Variants in EML1 observed in about 807,000 individuals in gnomAD.
EML1 encodes the protein echinoderm microtubule-associated protein-like 1.
Under a neutral mutation model 110.4 loss-of-function variants are expected in EML1, and 27 were observed. The observed-to-expected ratio is 0.24, with a 90% CI of 0.18 to 0.34. EML1 has a LOEUF of 0.34. Among genes scored for constraint, EML1 ranks in the 10% least tolerant of loss-of-function variants. The pLI is 1.00. For missense variants in EML1, 741 were observed against 1,030.9 expected (o/e 0.72, Z 3.85); for synonymous variants, 344 against 385.8 (o/e 0.89, Z 1.27).
chr14:99,834,119 A>G (rs2058502445), intron 1 of EML1, among the ~76,000 whole-genome samples: 1 of 152,048 alleles, frequency 6.6e-6, no homozygotes, highest in South Asian at 2.1e-4. Flanking sequence ...TCAGAAATGG[A>G]TGTTGGATTT....
chr14:99,867,985 A>G (rs898847726), intron 3 of EML1, among the ~76,000 whole-genome samples: 10 of 152,098 alleles, frequency 6.6e-5, no homozygotes, highest in African/African-American at 2.4e-4. Flanking sequence ...ACATTGAGGT[A>G]GTTTCCTTCT....
At chr14:99,760,825 C>T (rs1371356018) in intron 1 of EML1, among the ~76,000 whole-genome samples, 1 of 152,146 alleles carries the variant, frequency 6.6e-6, no homozygotes, top group East Asian at 1.9e-4. Context: ...TGCCCAATAC[C>T]TGCATTCAAC....
chr14:99,765,750 G>A (rs931882064), intron 1 of EML1, among the ~76,000 whole-genome samples: 4 of 151,780 alleles, frequency 2.6e-5, no homozygotes, highest in African/African-American at 7.3e-5. Context: ...GATTACAGGC[G>A]TGCACCACCA....
chr14:99,838,741 T>A (rs1171013269), intron 1 of EML1, among the ~76,000 whole-genome samples: 2 of 152,134 alleles, frequency 1.3e-5, no homozygotes. Context: ...TTTTAAAGCA[T>A]AGTGCTTCAC....
chr14:99,787,268 CTTTTTTTTTTT>C (rs34680462), intron 1 of EML1, among the ~76,000 whole-genome samples: 1 of 101,612 alleles, frequency 9.8e-6, no homozygotes, highest in Non-Finnish European at 1.9e-5. Flanking sequence ...CTCTGAGATT[CTTTTTTTTTTT>C]TTTTTTTTTT....
intron 1 of EML1, among the ~76,000 whole-genome samples, chr14:99,826,217 A>G (rs1427496862): frequency 4.0e-5 from 6 of 149,158 alleles, no homozygotes; most frequent in South Asian, 2.1e-4. Flanking sequence ...GGTTCAAGCA[A>G]TTCTCCTGCC....
In EML1 at chr14:99,873,950, C is replaced by T. The variant is rs148756832; in HGVS notation, c.384-4535C>T. 2.1e-4 allele frequency among the ~76,000 whole-genome samples: 32 copies of T among 152,252 alleles called. No homozygotes were observed. The East Asian group carries it at 5.6e-3, about 27-fold the overall frequency. ...ATCACTGCTTTTATCCAGTGTTAGTCGCCCCAGCTGTCAGGACAAATGAAA... is the reference window on the plus strand; with the variant it reads ...ATCACTGCTTTTATCCAGTGTTAGTTGCCCCAGCTGTCAGGACAAATGAAA... On this transcript the variant is annotated intron_variant, in intron 3 of 21. Coordinates refer to ENST00000262233, the MANE Select transcript of EML1 (RefSeq NM_004434.3).
chr14:99,756,407 A>G (rs1056882099), intron 1 of EML1, among the ~76,000 whole-genome samples: 6 of 152,148 alleles, frequency 3.9e-5, no homozygotes, highest in Non-Finnish European at 7.4e-5. Flanking sequence ...GCTGTGAGTC[A>G]CCGCCTGGCT....
At chr14:99,739,065 A>AGTGTGTGTGTGTGTGTGT (rs35246718) in intron 1 of EML1, among the ~76,000 whole-genome samples, 2,183 of 138,922 alleles carry the variant, frequency 0.016, 33 homozygotes, top group Non-Finnish European at 0.022. Context: ...AGAGTGTGAG[A>AGTGTGTGTGTGTGTGTGT]GTGTGTGTGT....
Position 99,917,830 on chromosome 14 carries a change from G to A in EML1, c.1801G>A (p.Val601Ile). ...TCATCCTTCAGGGTCTGTGGTTGCAGTCGGAACACTCACTGGGAGGTAAGT... is the reference window on the plus strand; with the variant it reads ...TCATCCTTCAGGGTCTGTGGTTGCAATCGGAACACTCACTGGGAGGTAAGT... ...GFHPSGSVVAVGTLTGRWFVF... is the reference protein window; with the variant it reads ...GFHPSGSVVAIGTLTGRWFVF... Residue 601 changes from valine (V) to isoleucine (I), a missense_variant, in exon 16 of 22, where the codon GTC becomes ATC. By Grantham distance (29) the Val-to-Ile change is conservative. Transcript: ENST00000262233. 1 of 1,614,196 alleles carries A rather than the reference G, an allele frequency of 6.2e-7. No homozygotes were observed. Among genetic ancestry groups the A allele is most frequent in the Non-Finnish European group, 8.5e-7 (1 of 1,180,040 alleles).
chr14:99,749,648 G>A (rs565221755), intron 1 of EML1, among the ~76,000 whole-genome samples: 1 of 152,336 alleles, frequency 6.6e-6, no homozygotes, highest in Admixed American at 6.5e-5. Context: ...AAAGCTGGAA[G>A]CCTGGAGGTT....
chr14:99,835,141 A>G (rs985106126), intron 1 of EML1, among the ~76,000 whole-genome samples: 1 of 152,196 alleles, frequency 6.6e-6, no homozygotes, highest in African/African-American at 2.4e-5. Flanking sequence ...GTTTTTAACT[A>G]CAAATTCTAT....
At chr14:99,913,855 A>T (rs1430571782) in intron 13 of EML1, among the ~76,000 whole-genome samples, 1 of 151,512 alleles carries the variant, frequency 6.6e-6, no homozygotes, top group African/African-American at 2.4e-5. Flanking sequence ...ATGCCCAGCT[A>T]ATTTTTGTAT....
rs541572634 is a variant in EML1, at chr14:99,763,099, A to G, written c.28+25239A>G. On this transcript the variant is annotated intron_variant, in intron 1 of 10. Transcript: ENST00000554479. ...GAGATCTGACAGTTTTATAAGGGAG[A>G]GTTTCCCTGCACAAACTCTCTCTTT... is the stretch of plus-strand genomic sequence containing the variant. 1.6e-4 allele frequency among the ~76,000 whole-genome samples: 25 copies of G among 152,130 alleles called. 1 individual carries two copies. The South Asian group carries it at 4.4e-3, about 27-fold the overall frequency.
chr14:99,865,634 C>T lies in EML1; in HGVS notation c.371C>T (p.Pro124Leu), dbSNP rs764618558. Residue 124 changes from proline (P) to leucine (L), a missense_variant, in exon 3 of 22, where the codon CCA becomes CTA. Physicochemically the swap from Pro to Leu is moderately conservative, Grantham distance 98. Around this residue, in one of 4 missense-constraint regions of EML1, gnomAD observed 226 missense variants for 255.6 expected, o/e 0.88. Transcript: ENST00000262233. ...PSGVRKETAVPATKSNIKRTS... is the reference protein window; with the variant it reads ...PSGVRKETAVLATKSNIKRTS... Reference sequence around the variant, plus strand: ...GGGGTCAGGAAAGAAACTGCTGTGCCAGCAACCAAAAGGTGAGCCAGAAGC... The same window carrying T: ...GGGGTCAGGAAAGAAACTGCTGTGCTAGCAACCAAAAGGTGAGCCAGAAGC... The T allele has an allele frequency of 1.2e-6, 2 of 1,614,024 alleles. No homozygotes were observed. Among genetic ancestry groups the T allele is most frequent in the Non-Finnish European group, 8.5e-7 (1 of 1,179,960 alleles).
chr14:99,785,362 T>A (rs575084869), intron 1 of EML1, among the ~76,000 whole-genome samples: 1 of 152,160 alleles, frequency 6.6e-6, no homozygotes, highest in African/African-American at 2.4e-5. Flanking sequence ...GCCTCCTTTT[T>A]CTCTAATAAG....
At chr14:99,787,617 G>C (rs904190157) in intron 1 of EML1, among the ~76,000 whole-genome samples, 1 of 152,006 alleles carries the variant, frequency 6.6e-6, no homozygotes, top group Non-Finnish European at 1.5e-5. Context: ...TGATCTGCTC[G>C]GACTCCCTTA....
intron 1 of EML1, among the ~76,000 whole-genome samples, chr14:99,849,401 A>G (rs1039022853): frequency 6.6e-6 from 1 of 151,382 alleles, no homozygotes; most frequent in Non-Finnish European, 1.5e-5. Context: ...TTTGTTCTTT[A>G]TCTTTGGTTT....
intron 20 of EML1, among the ~76,000 whole-genome samples, chr14:99,938,777 A>G (rs1305556692): frequency 6.6e-6 from 1 of 152,242 alleles, no homozygotes; most frequent in Non-Finnish European, 1.5e-5. Flanking sequence ...AGGCCTTTGG[A>G]GAGACCCACC....
Sources: gnomAD v4.1 joint callset for allele counts (sites outside exome capture counted in the v4.1 genomes callset) on GRCh38, gnomAD v4.1.1 for gene constraint, gnomAD v4.1.1 regional missense constraint, MANE v1.5 for transcripts, NCBI Gene and HGNC (gene_info 2026-07-23, HGNC 2026-07-21) for gene names.